The following BIN1 variants were observed in gnomAD, a reference collection of about 807,000 sequenced individuals.
The protein encoded by BIN1 is myc box-dependent-interacting protein 1.
In BIN1, 53 loss-of-function variants were observed where a neutral mutation model predicts 82.0. The ratio of observed to expected loss-of-function variants is 0.65; its 90% CI spans 0.52 to 0.81. The LOEUF (loss-of-function observed/expected upper bound fraction) is 0.81. BIN1 is among the 40% of genes least tolerant of loss of function. BIN1 has a pLI of 0.00. For missense variants in BIN1, 642 were observed against 784.4 expected, an observed-to-expected ratio of 0.82 and a Z score of 2.17; for synonymous variants, 302 against 328.0, an observed-to-expected ratio of 0.92 and a Z score of 0.86.
intron 1 of BIN1, among the ~76,000 whole-genome samples, chr2:127,088,732 G>C (rs545792401): frequency 1.3e-5 from 2 of 148,840 alleles, no homozygotes; most frequent in Non-Finnish European, 1.5e-5. Context: ...GAGCAAGACC[G>C]TATCTCTTAA....
chr2:127,091,329 C>T (rs949429230), intron 1 of BIN1, among the ~76,000 whole-genome samples: 6 of 152,220 alleles, frequency 3.9e-5, no homozygotes, highest in Admixed American at 1.3e-4. Context: ...CCCTGCCTCA[C>T]CCTGGCCTGT....
Position 127,057,076 on chromosome 2 carries a change from G to A in BIN1, c.1131+397C>T, listed in dbSNP as rs1683777736. On this transcript the variant is annotated intron_variant, in intron 12 of 18. Transcript: ENST00000316724. This position sits in a 1 kb window ranked among gnomAD's most constrained non-coding sequence, Gnocchi z 5.0. ...CCTCGAGGGGCTGACAGCAGCTGTGGGAGCTGAAGTCCAGGTGCTTCAGCC... is the reference window on the plus strand; with the variant it reads ...CCTCGAGGGGCTGACAGCAGCTGTGAGAGCTGAAGTCCAGGTGCTTCAGCC... 6.6e-6 allele frequency among the ~76,000 whole-genome samples: 1 copy of A among 152,222 alleles called. No homozygotes were observed. Among genetic ancestry groups the A allele is most frequent in the African/African-American group, 2.4e-5 (1 of 41,456 alleles).
At position 127,063,965 on chromosome 2, in the gene BIN1, A is replaced by G. The variant is rs376323215; in HGVS notation, c.666T>C (p.Asp222=). ...AQKVFEEMNV[D]LQEELPSLWN... The stretch of plus-strand genomic sequence containing the variant: ...ACAGGGACGGCAGCTCCTCCTGCAG[A>G]TCCACATTCATCTCCTCAAACACCT... The change falls in exon 8 of 19, where the codon GAT becomes GAC. Residue 222 remains aspartate, a synonymous_variant. Transcript: ENST00000316724. 3.1e-6 allele frequency: 5 copies of G among 1,613,706 alleles called. No individual in the cohort carries two copies. In the African/African-American group the frequency reaches 6.7e-5, roughly 22 times the overall value.
At chr2:127,079,281 C>T (rs1328546949) in intron 1 of BIN1, among the ~76,000 whole-genome samples, 1 of 152,222 alleles carries the variant, frequency 6.6e-6, no homozygotes, top group Admixed American at 6.5e-5. Flanking sequence ...CTCTCTGAGC[C>T]TCAATCTACA....
At chr2:127,055,365 C>G (rs1028181971) in intron 12 of BIN1, 3 of 152,312 alleles carry the variant, frequency 2.0e-5, no homozygotes, top group African/African-American at 7.2e-5. Context: ...GCCAAGGTGT[C>G]AGACAGCTCA....
chr2:127,070,056 T>C lies in BIN1; in HGVS notation c.350A>G (p.Lys117Arg). The C allele has an allele frequency of 6.2e-7, 1 of 1,614,144 alleles. No individual in the cohort carries two copies. The highest frequency in any genetic ancestry group is 8.5e-7 in the Non-Finnish European group (1 of 1,180,006). ...NDLLWMDYHQ[K>R]LVDQALLTMD... ...GGTCAGCAGCGCCTGGTCCACCAGC[T>C]TCTGGTGGTAATCCATCCACAGCAG... Residue 117 changes from lysine to arginine, a missense_variant, in exon 5 of 19, where the codon AAG becomes AGG. Lys to Arg is a conservative substitution (Grantham distance 26). Coordinates refer to ENST00000316724, the MANE Select transcript of BIN1 (RefSeq NM_139343.3).
intron 8 of BIN1, 55 bp downstream of exon 8, chr2:127,063,878 C>T: frequency 6.2e-7 from 1 of 1,607,768 alleles, no homozygotes; most frequent in African/African-American, 1.3e-5. Context: ...CTGGGCACCG[C>T]AGCACGCAGA....
chr2:127,086,791 C>A (rs1573745804), intron 1 of BIN1, among the ~76,000 whole-genome samples: 1 of 151,776 alleles, frequency 6.6e-6, no homozygotes, highest in East Asian at 2.0e-4. Context: ...TAGGCATGAG[C>A]CACCGCGTCC....
chr2:127,089,504 G>A (rs1192948435), intron 1 of BIN1, among the ~76,000 whole-genome samples: 2 of 152,166 alleles, frequency 1.3e-5, no homozygotes, highest in Admixed American at 6.5e-5. Flanking sequence ...GACACGTGTT[G>A]GGGTAACAGC....
rs914591990 is a variant in BIN1 at position 127,058,863 on chromosome 2, C to T, written c.1002+148G>A. 58 of 1,275,888 alleles carry T rather than the reference C, an allele frequency of 4.5e-5. 2 individuals are homozygous for T. The Middle Eastern group carries it at 8.9e-3, about 196-fold the overall frequency. The allele number at this position is 1,275,888 out of a possible 1,614,324, so 79.0% of individuals were successfully genotyped here. A position where few individuals can be genotyped will look rare whatever the true frequency, so the allele number is the denominator to read the frequency against. On this transcript the variant is annotated intron_variant, in intron 11 of 18. Coordinates refer to ENST00000316724, the MANE Select transcript of BIN1 (RefSeq NM_139343.3). ...TGGATGGGGGAAAGGAGACCCAGGT[C>T]CAGGCCCAACCCCCACTGGGCAAAG... is the stretch of plus-strand genomic sequence containing the variant.
At position 127,090,934 on chromosome 2, in the gene BIN1, G is replaced by A. The variant is rs1252414173; in HGVS notation, c.85-14228C>T. Reference sequence around the variant, plus strand: ...CCCCGACTCCACTCCAGGCACAGGAGCTGACTTGTTCTTCTGGATGCCTTC... The same window carrying A: ...CCCCGACTCCACTCCAGGCACAGGAACTGACTTGTTCTTCTGGATGCCTTC... On this transcript the variant is annotated intron_variant, in intron 1 of 18. Coordinates refer to ENST00000316724, the MANE Select transcript of BIN1 (RefSeq NM_139343.3). The surrounding 1 kb of genome is among the most constrained non-coding windows in gnomAD (Gnocchi z 6.4). Among the ~76,000 whole-genome samples the A allele has an allele frequency of 1.3e-5, 2 of 152,212 alleles. No individual in the cohort carries two copies. Among genetic ancestry groups the A allele is most frequent in the East Asian group, 1.9e-4 (1 of 5,194 alleles).
At chr2:127,055,734 C>A (rs1683568667) in intron 12 of BIN1, 1 of 152,298 alleles carries the variant, frequency 6.6e-6, no homozygotes, top group Admixed American at 6.5e-5. Flanking sequence ...CGCTGTGCTG[C>A]CCCGGCAGGT....
chr2:127,060,973 C>A (rs1415991128), intron 10 of BIN1, among the ~76,000 whole-genome samples: 2 of 152,158 alleles, frequency 1.3e-5, no homozygotes, highest in Non-Finnish European at 2.9e-5. Flanking sequence ...CAGGCGAGCA[C>A]AGAGTGCACA....
At chr2:127,074,282 C>T (rs1686316523) in intron 2 of BIN1, among the ~76,000 whole-genome samples, 1 of 152,162 alleles carries the variant, frequency 6.6e-6, no homozygotes, top group Admixed American at 6.5e-5. Context: ...TCCTGGTCCC[C>T]ACACCCTGCC....
intron 1 of BIN1, chr2:127,081,820 T>TGTCCCCTCC (rs1687326521): frequency 1.6e-6 from 2 of 1,287,452 alleles, no homozygotes; most frequent in Non-Finnish European, 1.0e-6. Context: ...AGAAAACGCA[T>TGTCCCCTCC]AAGGCCCTCA....
chr2:127,101,332 G>A (rs1371416653), intron 1 of BIN1, among the ~76,000 whole-genome samples: 1 of 152,160 alleles, frequency 6.6e-6, no homozygotes, highest in Non-Finnish European at 1.5e-5. Flanking sequence ...CCCTCACCTG[G>A]GACGGGAGCT....
chr2:127,088,101 G>A (rs540492629), intron 1 of BIN1, among the ~76,000 whole-genome samples: 47 of 152,342 alleles, frequency 3.1e-4, no homozygotes, highest in African/African-American at 9.1e-4. Context: ...TCTGGGACGT[G>A]GCCTCTCGGC....
At position 127,067,763 on chromosome 2, in the gene BIN1, G is replaced by T. The variant is rs901897909; in HGVS notation, c.612+400C>A. Among the ~76,000 whole-genome samples, 2 of 152,180 alleles carry T rather than the reference G, an allele frequency of 1.3e-5. No homozygotes were observed. Among genetic ancestry groups the T allele is most frequent in the Non-Finnish European group, 2.9e-5 (2 of 68,036 alleles). ...TTTCTCTGCTCAGTAAATTCAAGAT[G>T]ATCTCAGAGTTGTCATGTGGCTTGA... On this transcript the variant is annotated intron_variant, in intron 7 of 18. Coordinates refer to ENST00000316724, the MANE Select transcript of BIN1 (RefSeq NM_139343.3). The surrounding 1 kb of genome is among the most constrained non-coding windows in gnomAD (Gnocchi z 4.7).
At chr2:127,064,252 G>A (rs1684871734) in intron 7 of BIN1, among the ~76,000 whole-genome samples, 2 of 152,238 alleles carry the variant, frequency 1.3e-5, no homozygotes, top group African/African-American at 4.8e-5. Flanking sequence ...TTGCCAAAGA[G>A]AGGCCCACGT....
Sources: gnomAD v4.1 joint callset for allele counts (sites outside exome capture counted in the v4.1 genomes callset) on GRCh38, gnomAD v4.1.1 for gene constraint, Gnocchi (gnomAD v3.1) non-coding constraint, MANE v1.5 for transcripts, NCBI Gene and HGNC (gene_info 2026-07-23, HGNC 2026-07-21) for gene names.